KCNB2: variants seen among roughly 807,000 people sequenced by gnomAD.
KCNB2 encodes the protein delayed rectifier potassium channel protein.
A neutral mutation model predicts 61.5 loss-of-function variants in KCNB2; 15 were observed. The observed-to-expected ratio is 0.24, with a 90% confidence interval of 0.16 to 0.38. The LOEUF is 0.38. Among genes scored for constraint, KCNB2 ranks in the 10% least tolerant of loss-of-function variants. The pLI, the probability that KCNB2 is intolerant of heterozygous loss-of-function variation, is 1.00. For missense variants in KCNB2, 828 were observed against 1,125.2 expected, an observed-to-expected ratio of 0.74 and a Z score of 3.78; for synonymous variants, 457 against 446.0, an observed-to-expected ratio of 1.02 and a Z score of -0.31.
intron 2 of KCNB2, among the ~76,000 whole-genome samples, chr8:72,895,100 C>T (rs1465407938): frequency 6.6e-6 from 1 of 152,162 alleles, no homozygotes; most frequent in African/African-American, 2.4e-5. Flanking sequence ...TATTAGGCAT[C>T]TATAATGACA....
At chr8:72,889,883 G>A (rs543226558) in intron 2 of KCNB2, among the ~76,000 whole-genome samples, 2 of 152,118 alleles carry the variant, frequency 1.3e-5, no homozygotes, top group East Asian at 3.9e-4. Context: ...TGCCTCCCAA[G>A]TAGCTGGGAT....
chr8:72,547,592 A>G (rs1487468236), intron 1 of KCNB2, among the ~76,000 whole-genome samples: 1 of 152,204 alleles, frequency 6.6e-6, no homozygotes, highest in Non-Finnish European at 1.5e-5. Flanking sequence ...AACTGCACAT[A>G]TGGTGGAGAG....
At chr8:72,698,424 A>T (rs185684706) in intron 2 of KCNB2, among the ~76,000 whole-genome samples, 8 of 152,194 alleles carry the variant, frequency 5.3e-5, no homozygotes, top group Admixed American at 2.6e-4. Flanking sequence ...TATCATTAAA[A>T]TGTCCATACT....
chr8:72,794,755 CA>C, intron 2 of KCNB2, among the ~76,000 whole-genome samples: 1 of 152,156 alleles, frequency 6.6e-6, no homozygotes, highest in African/African-American at 2.4e-5. Context: ...TGGAGCTCAG[CA>C]CAAGATTGAG....
At chr8:72,882,520 T>TGAGAGAGAGAGAGAGA (rs147239924) in intron 2 of KCNB2, among the ~76,000 whole-genome samples, 1,796 of 115,134 alleles carry the variant, frequency 0.016, 57 homozygotes, top group Non-Finnish European at 0.021. Context: ...TGCTGACAGT[T>TGAGAGAGAGAGAGAGA]GAGAGAGAGA....
At chr8:72,603,044 A>G (rs576718361) in intron 2 of KCNB2, among the ~76,000 whole-genome samples, 11 of 152,094 alleles carry the variant, frequency 7.2e-5, no homozygotes, top group African/African-American at 2.2e-4. Context: ...TGAAATTATC[A>G]TCTTGAGTTG....
intron 2 of KCNB2, among the ~76,000 whole-genome samples, chr8:72,889,655 C>T (rs954959313): frequency 1.3e-5 from 2 of 152,080 alleles, no homozygotes; most frequent in African/African-American, 4.8e-5. Flanking sequence ...CTACTGCACT[C>T]CAGCCCGGGC....
chr8:72,579,050 C>G (rs1806848424), intron 2 of KCNB2, among the ~76,000 whole-genome samples: 1 of 152,156 alleles, frequency 6.6e-6, no homozygotes, highest in Admixed American at 6.5e-5. Context: ...TTCATTGCAG[C>G]ACGGCCCAAA....
intron 2 of KCNB2, among the ~76,000 whole-genome samples, chr8:72,769,053 G>A (rs780395045): frequency 4.1e-4 from 63 of 152,122 alleles, no homozygotes; most frequent in Non-Finnish European, 7.8e-4. Flanking sequence ...CCAGCTGCTC[G>A]GGAGGCTGAG....
Position 72,716,730 on chromosome 8 carries a change from G to A in KCNB2, c.579+148417G>A, listed in dbSNP as rs560569792. Among the ~76,000 whole-genome samples the A allele has an allele frequency of 3.9e-3, 592 of 151,762 alleles. 1 individual carries two copies. The highest frequency in any genetic ancestry group is 0.014 in the African/African-American group (561 of 41,402). On this transcript the variant is annotated intron_variant, in intron 2 of 2. Transcript: ENST00000523207. Reference sequence around the variant, plus strand: ...CATACTGAATGGACAAAAACTGGAAGCATTCCCTTTGAAAACTGGCACAAG... The same window carrying A: ...CATACTGAATGGACAAAAACTGGAAACATTCCCTTTGAAAACTGGCACAAG...
intron 2 of KCNB2, among the ~76,000 whole-genome samples, chr8:72,806,758 C>T (rs890014757): frequency 6.6e-6 from 1 of 152,030 alleles, no homozygotes; most frequent in Non-Finnish European, 1.5e-5. Flanking sequence ...AGTGATGGGA[C>T]AGGTAGTGGA....
At chr8:72,788,839 G>A (rs1019212313) in intron 2 of KCNB2, among the ~76,000 whole-genome samples, 8 of 152,132 alleles carry the variant, frequency 5.3e-5, no homozygotes, top group African/African-American at 1.9e-4. Flanking sequence ...TTCAAAGGAT[G>A]TATAAAGGAC....
chr8:72,570,333 A>C (rs1345527339), intron 2 of KCNB2, among the ~76,000 whole-genome samples: 1 of 152,168 alleles, frequency 6.6e-6, no homozygotes, highest in Non-Finnish European at 1.5e-5. Context: ...GTAAATCTTC[A>C]CTATAAGTTG....
At chr8:72,701,375 A>G (rs1325981651) in intron 2 of KCNB2, among the ~76,000 whole-genome samples, 1 of 152,218 alleles carries the variant, frequency 6.6e-6, no homozygotes, top group Non-Finnish European at 1.5e-5. Flanking sequence ...AACCAGTTAC[A>G]TAAAAGCAAG....
At chr8:72,663,821 T>A (rs1000132735) in intron 2 of KCNB2, among the ~76,000 whole-genome samples, 1 of 152,164 alleles carries the variant, frequency 6.6e-6, no homozygotes, top group African/African-American at 2.4e-5. Flanking sequence ...TATTTCTGTA[T>A]TTTTATTGTT....
In KCNB2 at chr8:72,937,931, C is replaced by T. The variant is rs1211218036; in HGVS notation, c.2576C>T (p.Thr859Ile). ...GSVGSSSPQD[T>I]GHNCRQDIYH... ...GTGGGCTCTTCCTCCCCGCAGGACA[C>T]AGGTCACAACTGTAGGCAAGACATT... Residue 859 changes from threonine to isoleucine, a missense_variant, in exon 3 of 3, where the codon ACA (threonine) becomes ATA (isoleucine). Thr to Ile is a moderately conservative substitution (Grantham distance 89). Coordinates refer to ENST00000523207, the MANE Select transcript of KCNB2 (RefSeq NM_004770.3). 12 of 1,613,958 alleles carry T rather than the reference C, an allele frequency of 7.4e-6. No individual in the cohort carries two copies. The highest frequency in any genetic ancestry group is 1.0e-5 in the Non-Finnish European group (12 of 1,180,020).
rs552498888 is a variant in KCNB2, at chr8:72,603,570, T to G, written c.579+35257T>G. On this transcript the variant is annotated intron_variant, in intron 2 of 2. Coordinates refer to ENST00000523207, the MANE Select transcript of KCNB2 (RefSeq NM_004770.3). Reference sequence around the variant, plus strand: ...CTTTTGCTGATACTCATTTCTTGTGTGTCAGCGATGCAGAGCAGAGTGGTC... The same window carrying G: ...CTTTTGCTGATACTCATTTCTTGTGGGTCAGCGATGCAGAGCAGAGTGGTC... Among the ~76,000 whole-genome samples the G allele has an allele frequency of 3.3e-5, 5 of 152,308 alleles. No individual in the cohort carries two copies. The South Asian group carries it at 1.0e-3, about 32-fold the overall frequency.
chr8:72,762,730 C>A (rs1268040265), intron 2 of KCNB2, among the ~76,000 whole-genome samples: 1 of 151,922 alleles, frequency 6.6e-6, no homozygotes, highest in Non-Finnish European at 1.5e-5. Context: ...AATGTTAGCT[C>A]TTATTATTCT....
chr8:72,715,255 G>C (rs1459131079), intron 2 of KCNB2, among the ~76,000 whole-genome samples: 1 of 152,138 alleles, frequency 6.6e-6, no homozygotes, highest in East Asian at 1.9e-4. Context: ...AGATCAACGA[G>C]ACAGAACGTT....
Sources: allele counts gnomAD v4.1 joint callset (sites outside exome capture counted in the v4.1 genomes callset), GRCh38; gene constraint gnomAD v4.1.1; transcripts MANE v1.5; gene names NCBI Gene and HGNC (gene_info 2026-07-23, HGNC 2026-07-21).